MROH2B: variants seen among roughly 807,000 people sequenced by gnomAD.
MROH2B encodes maestro heat-like repeat-containing protein family member 2B.
In MROH2B, 177 loss-of-function variants were observed where a neutral mutation model predicts 208.6. That is an observed-to-expected ratio of 0.85 (90% CI 0.75 to 0.96). The LOEUF (loss-of-function observed/expected upper bound fraction) is 0.96. Among genes scored for constraint, MROH2B ranks in the 40% least tolerant of loss-of-function variants. The probability of loss-of-function intolerance (pLI) is 0.00; values close to 1 mark genes in which losing one functional copy is unlikely to be tolerated. For synonymous variants in MROH2B, 728 were observed against 659.0 expected, an observed-to-expected ratio of 1.10 and a Z score of -1.60; for missense variants, 2,002 against 1,878.7, an observed-to-expected ratio of 1.07 and a Z score of -1.21.
In MROH2B at chr5:40,998,661, A is replaced by C. The variant is rs879553533; in HGVS notation, c.4602T>G (p.Asn1534Lys). 1 of 1,587,386 alleles carries C rather than the reference A, an allele frequency of 6.3e-7. No homozygotes were observed. ...GTAACTCCACATATTGGCTGGTCAAATTGAGAACAACGGCATCTAAAGTTA... is the reference window on the plus strand; with the variant it reads ...GTAACTCCACATATTGGCTGGTCAACTTGAGAACAACGGCATCTAAAGTTA... Reference protein sequence around the residue: ...AVKLTDAVVLNLTSQYVELLD... With the variant: ...AVKLTDAVVLKLTSQYVELLD... Residue 1534 changes from asparagine to lysine, a missense_variant, in exon 41 of 42, where the codon AAT becomes AAG. Transcript: ENST00000399564.
rs758302074 is a variant in MROH2B at position 41,061,643 on chromosome 5, C to T, written c.542G>A (p.Arg181Gln). ...DFPYPRLDAN[R>Q]LSDKIFMLFW... ...CAGCATGAAGATCTTGTCAGACAGTCGGTTGGCATCCAGTCTGGGGTAGGG... is the reference window on the plus strand; with the variant it reads ...CAGCATGAAGATCTTGTCAGACAGTTGGTTGGCATCCAGTCTGGGGTAGGG... The change falls in exon 6 of 42, where the codon CGA becomes CAA. Residue 181 changes from arginine (R) to glutamine (Q), a missense_variant. Physicochemically the swap from Arg to Gln is conservative, Grantham distance 43 (BLOSUM62 1). Coordinates refer to ENST00000399564, the MANE Select transcript of MROH2B (RefSeq NM_173489.5). The T allele has an allele frequency of 9.3e-6, 15 of 1,613,772 alleles. No individual in the cohort carries two copies. Among genetic ancestry groups the T allele is most frequent in the East Asian group, 2.2e-5 (1 of 44,886 alleles).
chr5:41,008,977 T>C, intron 32 of MROH2B, among the ~76,000 whole-genome samples, 184 bp from the exon 33 acceptor site: 1 of 152,218 alleles, frequency 6.6e-6, no homozygotes, highest in East Asian at 1.9e-4. Flanking sequence ...CAGGGGACAC[T>C]AGTCATGTAA....
rs185485098 is a variant in MROH2B at position 41,023,133 on chromosome 5, C to G, written c.2442-4115G>C. The stretch of plus-strand genomic sequence containing the variant: ...AAGCTGAAAATTCTAAAAATCAGAG[C>G]GCTCTCCCCCTCCAAAGGAAAGCAG... On this transcript the variant is annotated intron_variant, in intron 24 of 41. Transcript: ENST00000399564. 3.3e-5 allele frequency among the ~76,000 whole-genome samples: 5 copies of G among 152,244 alleles called. No homozygotes were observed. The East Asian group carries it at 9.7e-4, about 30-fold the overall frequency.
At chr5:41,013,209 A>G (rs897190127) in intron 29 of MROH2B, among the ~76,000 whole-genome samples, 6 of 152,244 alleles carry the variant, frequency 3.9e-5, no homozygotes, top group African/African-American at 1.4e-4. Flanking sequence ...GACAGTGTAC[A>G]TATGGAGTAT....
chr5:41,021,537 CT>C (rs1742147777), intron 24 of MROH2B, among the ~76,000 whole-genome samples: 1 of 152,098 alleles, frequency 6.6e-6, no homozygotes, highest in African/African-American at 2.4e-5. Context: ...GATTTCAAAA[CT>C]TTTTACAAAA....
At chr5:41,024,281 A>G (rs923701393) in intron 24 of MROH2B, among the ~76,000 whole-genome samples, 8 of 152,244 alleles carry the variant, frequency 5.3e-5, no homozygotes, top group African/African-American at 1.9e-4. Flanking sequence ...TGCTGTATTC[A>G]GGAAACCCAT....
chr5:41,042,449 T>C (rs1011367397), intron 18 of MROH2B, among the ~76,000 whole-genome samples: 1 of 152,028 alleles, frequency 6.6e-6, no homozygotes, highest in African/African-American at 2.4e-5. Context: ...TCACCCCCCA[T>C]TGTAATTTTT....
At chr5:41,009,867 G>A (rs893006526) in intron 31 of MROH2B, 55 bp downstream of exon 31, 2 of 1,550,662 alleles carry the variant, frequency 1.3e-6, no homozygotes, top group Non-Finnish European at 1.7e-6. Flanking sequence ...TCCCTCCCCA[G>A]TGCCTTTCAG....
chr5:41,038,438 A>AT (rs1742831809), intron 21 of MROH2B, among the ~76,000 whole-genome samples: 2 of 151,938 alleles, frequency 1.3e-5, no homozygotes, highest in Non-Finnish European at 2.9e-5. Context: ...TTTAAAATAA[A>AT]TTTTTCTGTT....
At chr5:41,002,355 C>T (rs1012938332) in intron 37 of MROH2B, among the ~76,000 whole-genome samples, 8 of 152,080 alleles carry the variant, frequency 5.3e-5, no homozygotes, top group Non-Finnish European at 7.4e-5. Flanking sequence ...GAGGGTAAAG[C>T]GATTGCTCAG....
Position 41,049,280 on chromosome 5 carries a change from C to A in MROH2B, c.1501G>T (p.Val501Leu), listed in dbSNP as rs770054040. The A allele has an allele frequency of 1.1e-5, 17 of 1,612,952 alleles. No homozygotes were observed. The Admixed American group carries it at 2.8e-4, about 27-fold the overall frequency. Reference sequence around the variant, plus strand: ...TTTCTGTGTTTATGAATGTACAGACCAGCTCCTGTAGAGACGACAAGTGCT... The same window carrying A: ...TTTCTGTGTTTATGAATGTACAGACAAGCTCCTGTAGAGACGACAAGTGCT... Reference protein sequence around the residue: ...STALVVSTGAVKLPSPQQLLA... With the variant: ...STALVVSTGALKLPSPQQLLA... The change falls in exon 14 of 42, where the codon GTG becomes TTG. Residue 501 changes from valine (V) to leucine (L), a missense_variant and splice_region_variant. Coordinates refer to ENST00000399564, the MANE Select transcript of MROH2B (RefSeq NM_173489.5).
intron 15 of MROH2B, 130 bp from the exon 16 acceptor site, chr5:41,048,595 G>T: frequency 1.9e-6 from 2 of 1,045,698 alleles, no homozygotes; most frequent in Non-Finnish European, 2.6e-6. Context: ...AATCATCACA[G>T]TCTATTCTTA....
Position 41,067,195 on chromosome 5 carries a change from A to C in MROH2B, c.114T>G (p.Thr38=), listed in dbSNP as rs1207963486. 6.4e-7 allele frequency: 1 copy of C among 1,552,682 alleles called. No homozygotes were observed. Among genetic ancestry groups the C allele is most frequent in the Non-Finnish European group, 8.7e-7 (1 of 1,146,534 alleles). The change falls in exon 3 of 42, where the codon ACT becomes ACG. Residue 38 remains threonine, a synonymous_variant. Transcript: ENST00000399564. ...VNKEDIYSHL[T]SVIQNTDILD... is the part of the protein sequence containing the mutation. ...AGATGTCAGTATTCTGAATAACAGA[A>C]GTGAGATGACTGTAAATGTCTTCCT...
intron 15 of MROH2B, 99 bp downstream of exon 15, chr5:41,049,001 GT>G (rs1743204344): frequency 9.5e-6 from 11 of 1,155,838 alleles, no homozygotes; most frequent in Non-Finnish European, 1.3e-5. Context: ...GTTTCTTTTT[GT>G]TTGGAGTATC....
At position 41,048,441 on chromosome 5, in the gene MROH2B, C is replaced by T. The variant is rs762987234; in HGVS notation, c.1567G>A (p.Gly523Arg). Residue 523 changes from glycine to arginine, a missense_variant, in exon 16 of 42, where the codon GGG (glycine) becomes AGG (arginine). Gly to Arg is a moderately radical substitution (Grantham distance 125). Coordinates refer to ENST00000399564, the MANE Select transcript of MROH2B (RefSeq NM_173489.5). The stretch of plus-strand genomic sequence containing the variant: ...ATTGCACCAGCCCCACGTAACTCCC[C>T]TAAACTGGCAGGCATAGATATTACC... ...LLVISMPASL[G>R]ELRGAGAIGL... 9.3e-6 allele frequency: 15 copies of T among 1,612,876 alleles called. No homozygotes were observed. In the East Asian group the frequency reaches 3.3e-4, roughly 36 times the overall value.
At chr5:41,004,650 C>A in intron 36 of MROH2B, 122 bp from the exon 37 acceptor site, 2 of 1,517,818 alleles carry the variant, frequency 1.3e-6, no homozygotes, top group Non-Finnish European at 1.8e-6. Flanking sequence ...AACCGAAGGA[C>A]TACCACTTCA....
At chr5:40,999,824 C>T in intron 39 of MROH2B, 45 bp from the exon 40 acceptor site, 2 of 1,572,634 alleles carry the variant, frequency 1.3e-6, no homozygotes, top group Non-Finnish European at 1.7e-6. Flanking sequence ...GAAAGTGAAC[C>T]TTTGTGACAT....
intron 9 of MROH2B, 25 bp from the exon 10 acceptor site, chr5:41,055,880 C>G: frequency 6.6e-7 from 1 of 1,523,304 alleles, no homozygotes; most frequent in African/African-American, 1.4e-5. Flanking sequence ...AACACTAGAG[C>G]TGTAACTCAT....
chr5:41,039,089 A>G (rs1459555467), intron 20 of MROH2B, among the ~76,000 whole-genome samples: 1 of 152,180 alleles, frequency 6.6e-6, no homozygotes, highest in African/African-American at 2.4e-5. Flanking sequence ...AGGCCTTCAG[A>G]GAGGTAACTG....
Sources: gnomAD v4.1 joint callset for allele counts (sites outside exome capture counted in the v4.1 genomes callset) on GRCh38, gnomAD v4.1.1 for gene constraint, MANE v1.5 for transcripts, NCBI Gene and HGNC (gene_info 2026-07-23, HGNC 2026-07-21) for gene names.